The following KCNK10 variants were observed in gnomAD, a reference collection of about 807,000 sequenced individuals.
KCNK10 encodes the protein potassium two pore domain channel subfamily K member 10.
Under a neutral mutation model 47.7 loss-of-function variants are expected in KCNK10, and 25 were observed. The ratio of observed to expected loss-of-function variants is 0.52; its 90% CI spans 0.38 to 0.73. The LOEUF (loss-of-function observed/expected upper bound fraction) is 0.73, where lower values mean the gene tolerates loss of function less well. Ranked by LOEUF, KCNK10 falls within the 30% of genes least tolerant of loss-of-function variation. The pLI is 0.00. For missense variants in KCNK10, 563 were observed against 714.5 expected (o/e 0.79, Z 2.42); for synonymous variants, 303 against 285.6 (o/e 1.06, Z -0.61).
intron 4 of KCNK10, among the ~76,000 whole-genome samples, chr14:88,221,167 T>C (rs905589603): frequency 6.6e-6 from 1 of 151,688 alleles, no homozygotes; most frequent in Non-Finnish European, 1.5e-5. Context: ...CCAGGCATGG[T>C]GGTGCATGCC....
intron 4 of KCNK10, among the ~76,000 whole-genome samples, chr14:88,211,525 C>T (rs1885455810): frequency 1.5e-5 from 2 of 133,454 alleles, no homozygotes; most frequent in South Asian, 4.7e-4. Context: ...CACTTTAACA[C>T]AATTAAAAAA....
chr14:88,303,385 C>A (rs555467052), intron 1 of KCNK10, among the ~76,000 whole-genome samples: 9 of 152,096 alleles, frequency 5.9e-5, no homozygotes, highest in African/African-American at 1.7e-4. Flanking sequence ...TAAGTGGCCT[C>A]CAAAGGAGCA....
chr14:88,243,241 A>T (rs1886532229), intron 2 of KCNK10, among the ~76,000 whole-genome samples: 1 of 152,256 alleles, frequency 6.6e-6, no homozygotes, highest in Admixed American at 6.5e-5. Flanking sequence ...TAGAAGCGTC[A>T]TTCTGTTTTA....
At chr14:88,276,320 G>C (rs548799480) in intron 1 of KCNK10, among the ~76,000 whole-genome samples, 3 of 148,928 alleles carry the variant, frequency 2.0e-5, no homozygotes, top group Admixed American at 6.6e-5. Context: ...GAAGACAGCT[G>C]TCTGTCAATC....
intron 4 of KCNK10, among the ~76,000 whole-genome samples, chr14:88,219,464 G>C (rs915121503): frequency 5.9e-5 from 9 of 152,208 alleles, no homozygotes; most frequent in African/African-American, 2.2e-4. Flanking sequence ...GGTTGCAGCA[G>C]ATCTGGCAGG....
intron 1 of KCNK10, among the ~76,000 whole-genome samples, chr14:88,300,746 C>G (rs888337322): frequency 3.9e-5 from 6 of 152,118 alleles, no homozygotes; most frequent in Non-Finnish European, 5.9e-5. Context: ...GGATTCATTC[C>G]TAATGCTTCT....
chr14:88,192,959 G>A (rs1427124876), intron 4 of KCNK10, among the ~76,000 whole-genome samples: 1 of 152,186 alleles, frequency 6.6e-6, no homozygotes, highest in Non-Finnish European at 1.5e-5. Context: ...CTTCACCTGT[G>A]ACCGACTCTA....
Position 88,322,767 on chromosome 14 carries a change from T to C in KCNK10, c.32A>G (p.Gln11Arg). MKFPIETPRK[Q>R]VNWDPKVAVP... ...CCCACCTTTAGGATCCCAGTTCACC[T>C]GTTTTCTTGGCGTCTCGATTGGAAA... The change falls in exon 1 of 7, where the codon CAG (glutamine) becomes CGG (arginine). Residue 11 changes from glutamine (Q) to arginine (R), a missense_variant. Physicochemically the swap from Gln to Arg is conservative, Grantham distance 43 (BLOSUM62 1). Transcript: ENST00000319231. The surrounding 1 kb of genome is among the most constrained non-coding windows in gnomAD (Gnocchi z 4.8). 6.2e-7 allele frequency: 1 copy of C among 1,614,152 alleles called. No individual in the cohort carries two copies. Among genetic ancestry groups the C allele is most frequent in the East Asian group, 2.2e-5 (1 of 44,862 alleles).
intron 1 of KCNK10, among the ~76,000 whole-genome samples, chr14:88,293,170 A>T (rs1290384751): frequency 6.6e-6 from 1 of 152,190 alleles, no homozygotes; most frequent in East Asian, 1.9e-4. Flanking sequence ...AGGCCCGCCA[A>T]TTTAATAAAC....
rs1330810642 is a variant in KCNK10 at position 88,182,317 on chromosome 14, T to C, written c.*3218A>G. The C allele has an allele frequency of 6.6e-6, 1 of 152,230 alleles. No individual in the cohort carries two copies. The highest frequency in any genetic ancestry group is 1.5e-5 in the Non-Finnish European group (1 of 68,006). 9.4% of individuals were successfully genotyped at this position (152,230 alleles called of 1,614,324 possible). On this transcript the variant is annotated 3_prime_UTR_variant, in exon 7 of 7. Coordinates refer to ENST00000319231, the MANE Select transcript of KCNK10 (RefSeq NM_138317.3). ...GTGAAATCGAAACATTTCTCCTAGG[T>C]TTATGCTGGAATGGGAGTGCAGATT...
intron 3 of KCNK10, among the ~76,000 whole-genome samples, chr14:88,230,035 A>G (rs574641364): frequency 6.6e-6 from 1 of 152,178 alleles, no homozygotes; most frequent in African/African-American, 2.4e-5. Context: ...TCTCTCCCTC[A>G]CTTTCTTCAT....
chr14:88,210,079 T>C (rs1225514234), intron 4 of KCNK10, among the ~76,000 whole-genome samples: 1 of 152,236 alleles, frequency 6.6e-6, no homozygotes, highest in Non-Finnish European at 1.5e-5. Context: ...ATAGCATTGA[T>C]TGAGGCTATG....
chr14:88,235,077 T>G (rs1397537720), intron 3 of KCNK10: 1 of 456,558 alleles, frequency 2.2e-6, no homozygotes, highest in South Asian at 1.5e-5. Context: ...GAAGCCACCC[T>G]GAACTTGATC....
chr14:88,192,749 T>C (rs1363810670), intron 4 of KCNK10, among the ~76,000 whole-genome samples: 1 of 152,236 alleles, frequency 6.6e-6, no homozygotes, highest in Non-Finnish European at 1.5e-5. Flanking sequence ...GGTGCAAATA[T>C]AATGGTTTCC....
At chr14:88,326,695 G>A (rs545480902), upstream of KCNK10, 2 of 551,894 alleles carry the variant, frequency 3.6e-6, no homozygotes, top group Non-Finnish European at 6.4e-6. Flanking sequence ...CCGGGCACGG[G>A]TCTCTGCAGC....
chr14:88,220,638 G>C (rs576701191), intron 4 of KCNK10, among the ~76,000 whole-genome samples: 1 of 148,752 alleles, frequency 6.7e-6, no homozygotes, highest in Admixed American at 6.7e-5. Context: ...AAATGGCACA[G>C]GAACAACTGA....
At chr14:88,289,316 C>A (rs1386742626) in intron 1 of KCNK10, among the ~76,000 whole-genome samples, 1 of 152,190 alleles carries the variant, frequency 6.6e-6, no homozygotes, top group East Asian at 1.9e-4. Flanking sequence ...GGCTTCTTCT[C>A]TTTTATTCAC....
At chr14:88,246,161 G>A (rs895159091) in intron 2 of KCNK10, among the ~76,000 whole-genome samples, 4 of 151,780 alleles carry the variant, frequency 2.6e-5, no homozygotes, top group African/African-American at 7.3e-5. Context: ...TACTCGGGAG[G>A]CTGAGGCAGG....
chr14:88,243,989 G>A (rs1260868966), intron 2 of KCNK10, among the ~76,000 whole-genome samples: 2 of 151,972 alleles, frequency 1.3e-5, no homozygotes, highest in Non-Finnish European at 2.9e-5. Context: ...CATAAGGCTT[G>A]TTATGGGCAA....
Sources: allele counts gnomAD v4.1 joint callset (sites outside exome capture counted in the v4.1 genomes callset), GRCh38; gene constraint gnomAD v4.1.1; non-coding constraint Gnocchi (gnomAD v3.1); transcripts MANE v1.5; gene names NCBI Gene and HGNC (gene_info 2026-07-23, HGNC 2026-07-21).